Variants in POMT2 observed in about 807,000 individuals in gnomAD.
POMT2 encodes the protein protein O-mannosyl-transferase 2.
POMT2 carries 75 observed loss-of-function variants against 100.0 expected under a neutral mutation model. The observed-to-expected ratio is 0.75, with a 90% CI of 0.62 to 0.91. POMT2 has a LOEUF of 0.91. Among genes scored for constraint, POMT2 ranks in the 40% least tolerant of loss-of-function variants. The pLI is 0.00. For missense variants in POMT2, 940 were observed against 955.1 expected (o/e 0.98, Z 0.21); for synonymous variants, 378 against 374.1 (o/e 1.01, Z -0.12).
At position 77,311,957 on chromosome 14, in the gene POMT2, G is replaced by A. The variant is rs1440939448; in HGVS notation, c.325C>T (p.Leu109=). Reference sequence around the variant, plus strand: ...TTCACCACACTGCTCACCTTTCCCAGGGGCGGGTGCACATCAAAGAAAAAT... The same window carrying A: ...TTCACCACACTGCTCACCTTTCCCAAGGGCGGGTGCACATCAAAGAAAAAT... ...RTFFFDVHPP[L]GKMLIGLAGY... The change falls in exon 2 of 21, where the codon CTG becomes TTG. Residue 109 remains leucine, a synonymous_variant. Transcript: ENST00000261534. 2 of 1,613,934 alleles carry A rather than the reference G, an allele frequency of 1.2e-6. No homozygotes were observed. The highest frequency in any genetic ancestry group is 2.7e-5 in the African/African-American group (2 of 74,926).
intron 9 of POMT2, among the ~76,000 whole-genome samples, chr14:77,294,760 ATC>A (rs952413231): frequency 2.6e-5 from 4 of 152,214 alleles, no homozygotes; most frequent in Non-Finnish European, 4.4e-5. Flanking sequence ...GTCCAATTAA[ATC>A]TCTTTCTTTT....
Position 77,299,497 on chromosome 14 carries a change from TAG to T in POMT2, c.879_880del (p.Thr295SerfsTer12), listed in dbSNP as rs752440109. ...GAAGTGAACAGCAAAGGTGGCTGTA[TAG>T]AGAGCCAGGGGCAGCACTATGAGGC... On this transcript the variant is annotated frameshift_variant, in exon 7 of 21. Coordinates refer to ENST00000261534, the MANE Select transcript of POMT2 (RefSeq NM_013382.7). LOFTEE classifies it high-confidence loss of function. 29 of 1,614,010 alleles carry T rather than the reference TAG, an allele frequency of 1.8e-5. No homozygotes were observed. Among genetic ancestry groups the T allele is most frequent in the Middle Eastern group, 1.6e-4 (1 of 6,084 alleles).
chr14:77,278,522 G>A lies in POMT2; in HGVS notation c.2033-14C>T. 6.9e-7 allele frequency: 1 copy of A among 1,459,022 alleles called. No individual in the cohort carries two copies. Among genetic ancestry groups the A allele is most frequent in the South Asian group, 1.2e-5 (1 of 82,362 alleles). 90.4% of individuals were successfully genotyped at this position (1,459,022 alleles called of 1,614,324 possible). On this transcript the variant is annotated splice_polypyrimidine_tract_variant and intron_variant, in intron 19 of 20. Transcript: ENST00000261534. ...CCCACAGAATGCCTAGAGGAGAGGA[G>A]AGAAACCTGGAGTCAGCCAGGCAGG...
At chr14:77,301,688 T>C (rs757407102) in intron 5 of POMT2, among the ~76,000 whole-genome samples, 6 of 152,180 alleles carry the variant, frequency 3.9e-5, no homozygotes, top group Non-Finnish European at 7.3e-5. Flanking sequence ...CCAAGTACGA[T>C]GCATATATTA....
chr14:77,278,117 G>A (rs900107613), intron 20 of POMT2, among the ~76,000 whole-genome samples: 2 of 152,222 alleles, frequency 1.3e-5, no homozygotes, highest in Non-Finnish European at 2.9e-5. Flanking sequence ...TGTCACTAGA[G>A]GGGTACCCTT....
intron 19 of POMT2, 97 bp from the exon 20 acceptor site, chr14:77,278,605 C>G: frequency 4.0e-6 from 6 of 1,482,816 alleles, no homozygotes; most frequent in Non-Finnish European, 5.6e-6. Context: ...CAGAGAGTCA[C>G]TCCCAGCACT....
At chr14:77,282,057 C>A (rs966317158) in intron 15 of POMT2, among the ~76,000 whole-genome samples, 7 of 152,272 alleles carry the variant, frequency 4.6e-5, no homozygotes, top group African/African-American at 1.4e-4. Context: ...AGCGTCACTG[C>A]GGCCCTTTGA....
intron 4 of POMT2, among the ~76,000 whole-genome samples, 164 bp downstream of exon 4, chr14:77,304,528 C>A (rs929422173): frequency 6.6e-6 from 1 of 152,214 alleles, no homozygotes; most frequent in African/African-American, 2.4e-5. Context: ...TATTGATATA[C>A]ATTAAGTATT....
At chr14:77,318,043 T>C (rs1293148575) in intron 1 of POMT2, among the ~76,000 whole-genome samples, 1 of 152,108 alleles carries the variant, frequency 6.6e-6, no homozygotes, top group Non-Finnish European at 1.5e-5. Flanking sequence ...AGGGGATAAA[T>C]GGAGAAAAGG....
At chr14:77,308,364 T>G (rs988154156) in intron 2 of POMT2, among the ~76,000 whole-genome samples, 20 of 149,476 alleles carry the variant, frequency 1.3e-4, no homozygotes, top group East Asian at 1.2e-3. Flanking sequence ...TTGTTTTTTT[T>G]TTTTTTTTGA....
At chr14:77,284,188 A>C in intron 14 of POMT2, 1 of 394,994 alleles carries the variant, frequency 2.5e-6, no homozygotes, top group South Asian at 2.1e-5. Context: ...CATAAGGGAC[A>C]GCTGCACAGC....
intron 4 of POMT2, 109 bp from the exon 5 acceptor site, chr14:77,303,052 A>G: frequency 1.2e-6 from 1 of 833,734 alleles, no homozygotes; most frequent in South Asian, 1.4e-5. Context: ...AATTGAGTGT[A>G]AGCACTTGTG....
At chr14:77,278,550 G>A in intron 19 of POMT2, 42 bp from the exon 20 acceptor site, 1 of 1,441,608 alleles carries the variant, frequency 6.9e-7, no homozygotes. Flanking sequence ...CAGGCAGGGG[G>A]TGACTTCTGG....
chr14:77,278,355 C>T, intron 20 of POMT2, 39 bp downstream of exon 20: 1 of 1,422,842 alleles, frequency 7.0e-7, no homozygotes. Context: ...CACTGCTGAG[C>T]CCACACTGGG....
At chr14:77,289,727 ATG>A (rs1890573121) in intron 10 of POMT2, among the ~76,000 whole-genome samples, 1 of 152,204 alleles carries the variant, frequency 6.6e-6, no homozygotes. Context: ...AACTTGCTAA[ATG>A]TGAGGTGAAT....
At chr14:77,312,372 G>C in intron 1 of POMT2, 1 of 256,456 alleles carries the variant, frequency 3.9e-6, no homozygotes, top group Non-Finnish European at 7.5e-6. Flanking sequence ...TGTAGTAAGA[G>C]TTTTCTTCTG....
chr14:77,296,258 G>C lies in POMT2; in HGVS notation c.1022C>G (p.Ser341Cys). 6.2e-7 allele frequency: 1 copy of C among 1,603,470 alleles called. No individual in the cohort carries two copies. Among genetic ancestry groups the C allele is most frequent in the Non-Finnish European group, 8.5e-7 (1 of 1,175,534 alleles). Reference sequence around the variant, plus strand: ...CCGGAGGTTCTTCACAGTGATCACAGAGCCGTAGGCCAGGTCTGGGAGGAA... The same window carrying C: ...CCGGAGGTTCTTCACAGTGATCACACAGCCGTAGGCCAGGTCTGGGAGGAA... ...ASIPEHLAYG[S>C]VITVKNLRMA... The change falls in exon 9 of 21, where the codon TCT becomes TGT. Residue 341 changes from serine (S) to cysteine (C), a missense_variant. By Grantham distance (112) the Ser-to-Cys change is moderately radical. Coordinates refer to ENST00000261534, the MANE Select transcript of POMT2 (RefSeq NM_013382.7).
chr14:77,310,419 T>G (rs1283351382), intron 2 of POMT2, among the ~76,000 whole-genome samples: 1 of 152,238 alleles, frequency 6.6e-6, no homozygotes, highest in African/African-American at 2.4e-5. Context: ...CTAAGGTGAC[T>G]AGAACAGAAT....
Position 77,278,419 on chromosome 14 carries a change from T to G in POMT2, c.2122A>C (p.Ser708Arg). ...ARGIHVAGIL[S>R]LLLGTAYSFY... ...CTGTAGGCAGTTCCCAGGAGCAGGC[T>G]CAGGATTCCCGCCACATGTATGCCC... Residue 708 changes from serine to arginine, a missense_variant, in exon 20 of 21, where the codon AGC becomes CGC. Coordinates refer to ENST00000261534, the MANE Select transcript of POMT2 (RefSeq NM_013382.7). The G allele has an allele frequency of 6.8e-7, 1 of 1,480,108 alleles. No individual in the cohort carries two copies. The highest frequency in any genetic ancestry group is 9.2e-7 in the Non-Finnish European group (1 of 1,082,822). The allele number at this position is 1,480,108 out of a possible 1,614,324, so 91.7% of individuals were successfully genotyped here.
Sources: allele counts gnomAD v4.1 joint callset (sites outside exome capture counted in the v4.1 genomes callset), GRCh38; gene constraint gnomAD v4.1.1; transcripts MANE v1.5; gene names NCBI Gene and HGNC (gene_info 2026-07-23, HGNC 2026-07-21).